Variants in CTNND2 observed in about 807,000 individuals in gnomAD.
The protein encoded by CTNND2 is catenin delta-2.
A neutral mutation model predicts 144.4 loss-of-function variants in CTNND2; 22 were observed. That is an observed-to-expected ratio of 0.15 (90% confidence interval 0.11 to 0.22). The LOEUF is 0.22. Among genes scored for constraint, CTNND2 ranks in the 10% least tolerant of loss-of-function variants. CTNND2 has a pLI of 1.00. For missense variants in CTNND2, 1,353 were observed against 1,618.8 expected, an observed-to-expected ratio of 0.84 and a Z score of 2.82; for synonymous variants, 751 against 695.6, an observed-to-expected ratio of 1.08 and a Z score of -1.25.
intron 2 of CTNND2, among the ~76,000 whole-genome samples, chr5:11,574,143 G>C (rs1777789716): frequency 6.6e-6 from 1 of 152,016 alleles, no homozygotes; most frequent in South Asian, 2.1e-4. Flanking sequence ...TGTGCATTCT[G>C]AAAATGTTCC....
chr5:11,870,991 G>A (rs1365461426), intron 1 of CTNND2, among the ~76,000 whole-genome samples: 1 of 152,132 alleles, frequency 6.6e-6, no homozygotes, highest in Non-Finnish European at 1.5e-5. Flanking sequence ...TGGAGACAGG[G>A]GTCTTTGGCA....
intron 1 of CTNND2, among the ~76,000 whole-genome samples, chr5:11,896,243 A>T (rs1387497712): frequency 6.6e-6 from 1 of 152,202 alleles, no homozygotes; most frequent in Non-Finnish European, 1.5e-5. Flanking sequence ...CACTAAAAAT[A>T]AATACTAATT....
intron 10 of CTNND2, among the ~76,000 whole-genome samples, chr5:11,234,097 A>G (rs1370353170): frequency 1.3e-5 from 2 of 152,196 alleles, no homozygotes; most frequent in African/African-American, 4.8e-5. Flanking sequence ...AACAGTGAGA[A>G]GTGATACAGG....
intron 3 of CTNND2, among the ~76,000 whole-genome samples, chr5:11,491,025 C>T (rs557643453): frequency 6.6e-6 from 1 of 152,150 alleles, no homozygotes; most frequent in African/African-American, 2.4e-5. Context: ...AATAAAATCA[C>T]GAGACTGTTT....
At chr5:11,200,076 A>G (rs556847943) in intron 10 of CTNND2, among the ~76,000 whole-genome samples, 2 of 152,330 alleles carry the variant, frequency 1.3e-5, no homozygotes, top group Non-Finnish European at 2.9e-5. Flanking sequence ...AAAATGTTAA[A>G]ATTATGCTTA....
chr5:11,600,747 T>C (rs1779750918), intron 2 of CTNND2, among the ~76,000 whole-genome samples: 1 of 146,338 alleles, frequency 6.8e-6, no homozygotes, highest in African/African-American at 2.5e-5. Flanking sequence ...GCCCAGGAAA[T>C]TGTATTTCAA....
intron 2 of CTNND2, among the ~76,000 whole-genome samples, chr5:11,681,977 A>T (rs1784438179): frequency 2.6e-5 from 4 of 152,152 alleles, no homozygotes; most frequent in African/African-American, 9.7e-5. Context: ...GACACATGAC[A>T]CATGACACAT....
chr5:11,828,327 C>T (rs1005209740), intron 1 of CTNND2, among the ~76,000 whole-genome samples: 8 of 151,884 alleles, frequency 5.3e-5, no homozygotes, highest in East Asian at 1.9e-4. Context: ...GTCAGGAGTT[C>T]GAGACCAGCC....
chr5:11,712,803 T>G (rs1250378332), intron 2 of CTNND2, among the ~76,000 whole-genome samples: 1 of 152,204 alleles, frequency 6.6e-6, no homozygotes, highest in Admixed American at 6.5e-5. Context: ...TAGCTTAAAA[T>G]GAGTTTAAAA....
At chr5:11,224,277 T>C (rs1334311688) in intron 10 of CTNND2, among the ~76,000 whole-genome samples, 2 of 152,234 alleles carry the variant, frequency 1.3e-5, no homozygotes, top group Admixed American at 6.5e-5. Flanking sequence ...TCATCCTTCA[T>C]GTGTGAAGGA....
chr5:11,146,116 TCAG>T (rs1413272839), intron 12 of CTNND2, among the ~76,000 whole-genome samples: 1 of 149,212 alleles, frequency 6.7e-6, no homozygotes, highest in African/African-American at 2.5e-5. Flanking sequence ...GCACCACAGT[TCAG>T]ATTTCCTCCT....
intron 2 of CTNND2, among the ~76,000 whole-genome samples, chr5:11,700,935 C>T (rs1036804909): frequency 6.6e-6 from 1 of 152,142 alleles, no homozygotes; most frequent in Admixed American, 6.5e-5. Flanking sequence ...GAAGACAGAA[C>T]CCGTGCTAAT....
At chr5:11,330,726 T>C (rs1429736977) in intron 9 of CTNND2, among the ~76,000 whole-genome samples, 1 of 147,322 alleles carries the variant, frequency 6.8e-6, no homozygotes, top group Non-Finnish European at 1.5e-5. Context: ...GAGGTTGCAG[T>C]AGGCCAAGAT....
rs1758862773 is a variant in CTNND2 at position 11,384,698 on chromosome 5, T to C, written c.1144A>G (p.Thr382Ala). The C allele has an allele frequency of 3.1e-6, 5 of 1,608,508 alleles. No homozygotes were observed. The South Asian group carries it at 5.5e-5, about 18-fold the overall frequency. ...YSKHSQELYA[T>A]ATLQRPGSLA... ...CTGCCCGGCCTCTGGAGGGTGGCCGTGGCATACAGCTCCTGCGAGTGCTTG... is the reference window on the plus strand; with the variant it reads ...CTGCCCGGCCTCTGGAGGGTGGCCGCGGCATACAGCTCCTGCGAGTGCTTG... The change falls in exon 7 of 22, where the codon ACG (threonine) becomes GCG (alanine). Residue 382 changes from threonine (T) to alanine (A), a missense_variant. This residue lies in a region of CTNND2 where 708 missense variants were observed against 706.4 expected (regional missense o/e 1.00). Coordinates refer to ENST00000304623, the MANE Select transcript of CTNND2 (RefSeq NM_001332.4). The surrounding 1 kb of genome is among the most constrained non-coding windows in gnomAD (Gnocchi z 5.2).
intron 2 of CTNND2, among the ~76,000 whole-genome samples, chr5:11,677,914 C>T (rs372499346): frequency 1.3e-5 from 2 of 152,192 alleles, no homozygotes. Flanking sequence ...AGGAGTTCCA[C>T]TCATATTGGA....
At chr5:11,528,652 C>T (rs1159917994) in intron 3 of CTNND2, among the ~76,000 whole-genome samples, 2 of 152,168 alleles carry the variant, frequency 1.3e-5, no homozygotes, top group East Asian at 1.9e-4. Context: ...CAAGCCCTGC[C>T]CAACCCAATG....
At chr5:11,763,337 A>G (rs1231257895) in intron 1 of CTNND2, among the ~76,000 whole-genome samples, 3 of 152,136 alleles carry the variant, frequency 2.0e-5, no homozygotes, top group African/African-American at 7.2e-5. Flanking sequence ...AAAATGGGAG[A>G]AACACACTCT....
intron 9 of CTNND2, among the ~76,000 whole-genome samples, chr5:11,267,654 A>T (rs1745586692): frequency 6.6e-6 from 1 of 152,252 alleles, no homozygotes; most frequent in African/African-American, 2.4e-5. Flanking sequence ...GACTGCACAC[A>T]CTTTGCAAAT....
In CTNND2 at chr5:11,391,832, C is replaced by T. The variant is rs76950837; in HGVS notation, c.612+5199G>A. ...ATTACTGTTGGTGAGAAAAGAAGGG[C>T]TGGGTTTACCTGGTGGTGATGTCCC... On this transcript the variant is annotated intron_variant, in intron 6 of 21. Transcript: ENST00000304623. 1.2e-4 allele frequency among the ~76,000 whole-genome samples: 18 copies of T among 152,300 alleles called. No homozygotes were observed. In the East Asian group the frequency reaches 3.3e-3, roughly 28 times the overall value.
Sources: gnomAD v4.1 joint callset for allele counts (sites outside exome capture counted in the v4.1 genomes callset) on GRCh38, gnomAD v4.1.1 for gene constraint, gnomAD v4.1.1 regional missense constraint, Gnocchi (gnomAD v3.1) non-coding constraint, MANE v1.5 for transcripts, NCBI Gene and HGNC (gene_info 2026-07-23, HGNC 2026-07-21) for gene names.